CDK17: variants seen among roughly 807,000 people sequenced by gnomAD.
CDK17 encodes the protein cyclin-dependent kinase 17.
A neutral mutation model predicts 77.6 loss-of-function variants in CDK17; 24 were observed. That is an observed-to-expected ratio of 0.31 (90% confidence interval 0.22 to 0.44). The LOEUF (loss-of-function observed/expected upper bound fraction) is 0.44, where lower values mean the gene tolerates loss of function less well. Among genes scored for constraint, CDK17 ranks in the 20% least tolerant of loss-of-function variants. The probability of loss-of-function intolerance (pLI) is 1.00; values close to 1 mark genes in which losing one functional copy is unlikely to be tolerated. For missense variants in CDK17, 429 were observed against 622.5 expected (o/e 0.69, Z 3.31); for synonymous variants, 203 against 210.4 (o/e 0.96, Z 0.30).
At chr12:96,396,969 A>G (rs992988199) in intron 1 of CDK17, among the ~76,000 whole-genome samples, 3 of 152,218 alleles carry the variant, frequency 2.0e-5, no homozygotes, top group East Asian at 3.8e-4. Context: ...GTGTTCACAG[A>G]TAACTGTTAT....
intron 1 of CDK17, among the ~76,000 whole-genome samples, chr12:96,370,654 A>C (rs1300995529): frequency 2.0e-5 from 3 of 152,230 alleles, no homozygotes; most frequent in Non-Finnish European, 2.9e-5. Flanking sequence ...ACCGGTGTAC[A>C]ATGGAGTTTT....
At chr12:96,398,515 C>T (rs1199633364) in intron 1 of CDK17, among the ~76,000 whole-genome samples, 1 of 152,196 alleles carries the variant, frequency 6.6e-6, no homozygotes, top group Non-Finnish European at 1.5e-5. Flanking sequence ...CAAAGGTCTT[C>T]AAATCTCATT....
At position 96,311,051 on chromosome 12, in the gene CDK17, C is replaced by A; in HGVS notation, c.543+1G>T. On this transcript the variant is annotated splice_donor_variant, in intron 5 of 16. Coordinates refer to ENST00000261211, the MANE Select transcript of CDK17 (RefSeq NM_002595.5). LOFTEE classifies it high-confidence loss of function. ...GGAGGTATAGGAGACCAAAAACTTA[C>A]TAAGGAAGCTCTACGAGACCTTCGA... 1 of 1,595,628 alleles carries A rather than the reference C, an allele frequency of 6.3e-7. No individual in the cohort carries two copies. The highest frequency in any genetic ancestry group is 8.5e-7 in the Non-Finnish European group (1 of 1,174,622).
chr12:96,296,366 A>T (rs1454280538), intron 9 of CDK17, among the ~76,000 whole-genome samples: 1 of 152,236 alleles, frequency 6.6e-6, no homozygotes, highest in Non-Finnish European at 1.5e-5. Context: ...CCCTGACAGA[A>T]TATATATGGA....
chr12:96,389,382 C>A (rs1954030818), intron 1 of CDK17, among the ~76,000 whole-genome samples: 1 of 152,094 alleles, frequency 6.6e-6, no homozygotes, highest in Admixed American at 6.5e-5. Context: ...AAACTTTATA[C>A]AATAGAAACC....
At chr12:96,313,877 T>C (rs1952674744) in intron 3 of CDK17, among the ~76,000 whole-genome samples, 1 of 152,186 alleles carries the variant, frequency 6.6e-6, no homozygotes, top group African/African-American at 2.4e-5. Flanking sequence ...TTCTTTCAAT[T>C]AAATAATGTG....
rs540939251 is a variant in CDK17, at chr12:96,374,194, G to A, written c.-30+25792C>T. Among the ~76,000 whole-genome samples, 8 of 152,208 alleles carry A rather than the reference G, an allele frequency of 5.3e-5. No individual in the cohort carries two copies. In the South Asian group the frequency reaches 1.7e-3, roughly 32 times the overall value. On this transcript the variant is annotated intron_variant, in intron 1 of 16. Coordinates refer to ENST00000261211, the MANE Select transcript of CDK17 (RefSeq NM_002595.5). ...ATGGAGCAACACGGCAGCCAAATTG[G>A]TAAAATTATTTCTATGAAAATATTA... is the stretch of plus-strand genomic sequence containing the variant.
At position 96,313,321 on chromosome 12, in the gene CDK17, C is replaced by T; in HGVS notation, c.417G>A (p.Glu139=). ...ATATTTGTATTTTTTAAATGATTAC[C>T]TCCATTGAGATCCGTCTATGTATAC... is the stretch of plus-strand genomic sequence containing the variant. ...RNRIHRRISM[E]DLNKRLSLPA... is the part of the protein sequence containing the mutation. Residue 139 remains glutamate (E), a splice_region_variant and synonymous_variant, in exon 4 of 17, where the codon GAG becomes GAA. Coordinates refer to ENST00000261211, the MANE Select transcript of CDK17 (RefSeq NM_002595.5). The T allele has an allele frequency of 6.3e-7, 1 of 1,575,840 alleles. No homozygotes were observed. The highest frequency in any genetic ancestry group is 1.2e-5 in the South Asian group (1 of 83,802).
chr12:96,310,372 A>G (rs1369251482), intron 5 of CDK17, among the ~76,000 whole-genome samples: 1 of 152,128 alleles, frequency 6.6e-6, no homozygotes, highest in African/African-American at 2.4e-5. Flanking sequence ...CAAAGCTCAG[A>G]CGTTTTAATA....
At chr12:96,396,724 A>G (rs1954175211) in intron 1 of CDK17, among the ~76,000 whole-genome samples, 1 of 152,210 alleles carries the variant, frequency 6.6e-6, no homozygotes, top group African/African-American at 2.4e-5. Flanking sequence ...AATTTTTACA[A>G]TATAGCAATA....
intron 2 of CDK17, among the ~76,000 whole-genome samples, chr12:96,325,132 C>T (rs376603480): frequency 3.3e-5 from 5 of 152,198 alleles, no homozygotes; most frequent in African/African-American, 1.2e-4. Flanking sequence ...AGATACAAGT[C>T]TTGTGATACA....
chr12:96,355,398 GTTTTTTT>G (rs58937020), intron 1 of CDK17, among the ~76,000 whole-genome samples: 13 of 72,472 alleles, frequency 1.8e-4, no homozygotes, highest in African/African-American at 6.1e-4. Context: ...TCTACATTGG[GTTTTTTT>G]TTTTTTTTTT....
intron 11 of CDK17, among the ~76,000 whole-genome samples, chr12:96,286,988 C>T (rs1208820113): frequency 3.3e-5 from 5 of 152,194 alleles, no homozygotes; most frequent in African/African-American, 4.8e-5. Context: ...CTCTCCTTTG[C>T]ATAATCCTTG....
At chr12:96,338,246 C>T (rs1953073625) in intron 1 of CDK17, among the ~76,000 whole-genome samples, 1 of 152,190 alleles carries the variant, frequency 6.6e-6, no homozygotes, top group Non-Finnish European at 1.5e-5. Context: ...CCATGCAACT[C>T]CACTGGAAGA....
chr12:96,336,883 C>T (rs910009799), intron 1 of CDK17, among the ~76,000 whole-genome samples: 15 of 152,158 alleles, frequency 9.9e-5, no homozygotes, highest in African/African-American at 3.4e-4. Flanking sequence ...TTTTAAAGCC[C>T]CTGCTTTTAA....
intron 15 of CDK17, 27 bp downstream of exon 15, chr12:96,282,482 G>C (rs1242474496): frequency 6.9e-7 from 1 of 1,454,434 alleles, no homozygotes; most frequent in Non-Finnish European, 9.7e-7. Context: ...AAATAAAGCA[G>C]GGAAAACACT....
intron 1 of CDK17, among the ~76,000 whole-genome samples, chr12:96,344,813 T>C (rs1370025856): frequency 6.6e-6 from 1 of 152,230 alleles, no homozygotes; most frequent in Non-Finnish European, 1.5e-5. Flanking sequence ...TCTTGTTTTT[T>C]TAATTATTTT....
In CDK17 at chr12:96,282,563, T is replaced by C. The variant is rs1952191396; in HGVS notation, c.1402A>G (p.Met468Val). The C allele has an allele frequency of 3.7e-6, 6 of 1,613,048 alleles. No homozygotes were observed. The highest frequency in any genetic ancestry group is 2.2e-5 in the South Asian group (2 of 91,052). ...AGACTTCGAAAGTACACATGTTTCA[T>C]GGCCTCTTCAGCTGAAACCCTTTTC... ...SKKRVSAEEA[M>V]KHVYFRSLGP... Residue 468 changes from methionine (M) to valine (V), a missense_variant, in exon 15 of 17, where the codon ATG (methionine) becomes GTG (valine). Transcript: ENST00000261211.
intron 1 of CDK17, 195 bp from the exon 2 acceptor site, chr12:96,335,060 C>T: frequency 1.6e-6 from 1 of 632,584 alleles, no homozygotes; most frequent in South Asian, 1.5e-5. Flanking sequence ...TATTTGGCAT[C>T]ATCAGAAGAG....
Sources: allele counts gnomAD v4.1 joint callset (sites outside exome capture counted in the v4.1 genomes callset), GRCh38; gene constraint gnomAD v4.1.1; transcripts MANE v1.5; gene names NCBI Gene and HGNC (gene_info 2026-07-23, HGNC 2026-07-21).